Variants in KIF26B observed in about 807,000 individuals in gnomAD.
KIF26B encodes kinesin family member 26B, also known as kinesin-like protein KIF26B.
Under a neutral mutation model 151.2 loss-of-function variants are expected in KIF26B, and 63 were observed. That is an observed-to-expected ratio of 0.42 (90% CI 0.34 to 0.51). The LOEUF is 0.51. Ranked by LOEUF, KIF26B falls within the 20% of genes least tolerant of loss-of-function variation. KIF26B has a pLI of 0.07. For synonymous variants in KIF26B, 1,357 were observed against 1,262.1 expected (o/e 1.08, Z -1.59); for missense variants, 2,813 against 2,913.6 (o/e 0.97, Z 0.79).
intron 4 of KIF26B, among the ~76,000 whole-genome samples, chr1:245,487,300 A>G (rs895909097): frequency 6.6e-6 from 1 of 152,202 alleles, no homozygotes; most frequent in African/African-American, 2.4e-5. Flanking sequence ...CATCTCCAGG[A>G]CCAACTATAT....
At chr1:245,639,777 A>G (rs2043869443) in intron 9 of KIF26B, among the ~76,000 whole-genome samples, 1 of 151,628 alleles carries the variant, frequency 6.6e-6, no homozygotes, top group African/African-American at 2.4e-5. Flanking sequence ...ATAGTTTCCA[A>G]CATTTCTTGT....
intron 2 of KIF26B, among the ~76,000 whole-genome samples, chr1:245,235,406 A>G (rs1573725058): frequency 6.6e-6 from 1 of 152,006 alleles, no homozygotes; most frequent in Admixed American, 6.6e-5. Context: ...AGTCTCGGCA[A>G]CATAGCAAGA....
chr1:245,400,316 C>A (rs1305498401), intron 3 of KIF26B, among the ~76,000 whole-genome samples: 2 of 152,106 alleles, frequency 1.3e-5, no homozygotes. Flanking sequence ...ATCCTTTTCA[C>A]CTGATTTACT....
At chr1:245,301,291 C>A (rs1213489865) in intron 2 of KIF26B, among the ~76,000 whole-genome samples, 1 of 152,188 alleles carries the variant, frequency 6.6e-6, no homozygotes, top group Non-Finnish European at 1.5e-5. Flanking sequence ...AGTGATATAT[C>A]TTGGAACTGA....
chr1:245,218,948 G>A lies in KIF26B; in HGVS notation c.465+62265G>A, dbSNP rs923682276. On this transcript the variant is annotated intron_variant, in intron 2 of 14. Coordinates refer to ENST00000407071, the MANE Select transcript of KIF26B (RefSeq NM_018012.4). This position sits in a 1 kb window ranked among gnomAD's most constrained non-coding sequence, Gnocchi z 4.1. ...CATTTCTGACTTTGCCATTTCAGTT[G>A]GCACTGACCCTTCCAAGACTGTGTA... 5.9e-5 allele frequency among the ~76,000 whole-genome samples: 9 copies of A among 151,844 alleles called. No individual in the cohort carries two copies. The highest frequency in any genetic ancestry group is 1.9e-4 in the African/African-American group (8 of 41,312).
chr1:245,168,867 A>G (rs1330141633), intron 2 of KIF26B, among the ~76,000 whole-genome samples: 1 of 152,198 alleles, frequency 6.6e-6, no homozygotes, highest in Non-Finnish European at 1.5e-5. Flanking sequence ...AACGAGGCCC[A>G]TGCAGTTATC....
intron 2 of KIF26B, among the ~76,000 whole-genome samples, chr1:245,221,090 A>G (rs1421196607): frequency 6.6e-6 from 1 of 152,168 alleles, no homozygotes; most frequent in African/African-American, 2.4e-5. Flanking sequence ...CCAAAGTGAC[A>G]TTTGTATAAA....
At chr1:245,344,043 A>AT (rs986250080) in intron 2 of KIF26B, among the ~76,000 whole-genome samples, 3 of 151,128 alleles carry the variant, frequency 2.0e-5, no homozygotes, top group Non-Finnish European at 4.4e-5. Context: ...AACTACTGTG[A>AT]TTTTTTTTCC....
Position 245,305,957 on chromosome 1 carries a change from A to AT in KIF26B, c.466-60877_466-60876insT, listed in dbSNP as rs74163038. Among the ~76,000 whole-genome samples, 4 of 147,374 alleles carry AT rather than the reference A, an allele frequency of 2.7e-5. No individual in the cohort carries two copies. In the East Asian group the frequency reaches 7.9e-4, roughly 29 times the overall value. On this transcript the variant is annotated intron_variant, in intron 2 of 14. Coordinates refer to ENST00000407071, the MANE Select transcript of KIF26B (RefSeq NM_018012.4). Reference sequence around the variant, plus strand: ...TCCTCAAAAAAAAAAAAAAAAAAAAAGAAAAGAAAATGTGAAACGATATAG... The same window carrying AT: ...TCCTCAAAAAAAAAAAAAAAAAAAAATGAAAAGAAAATGTGAAACGATATAG...
intron 4 of KIF26B, among the ~76,000 whole-genome samples, chr1:245,519,960 T>C (rs545368865): frequency 1.1e-3 from 166 of 152,346 alleles, no homozygotes; most frequent in Non-Finnish European, 2.1e-3. Flanking sequence ...ATTGTTGAAT[T>C]GTTGTCATTA....
chr1:245,652,286 A>G (rs1214112376), intron 10 of KIF26B, among the ~76,000 whole-genome samples: 1 of 152,198 alleles, frequency 6.6e-6, no homozygotes, highest in East Asian at 1.9e-4. Flanking sequence ...CTATTTAGAA[A>G]TAAAATAACC....
chr1:245,191,516 AT>A (rs1246283031), intron 2 of KIF26B, among the ~76,000 whole-genome samples: 1 of 152,200 alleles, frequency 6.6e-6, no homozygotes, highest in African/African-American at 2.4e-5. Context: ...ATATAAAAAA[AT>A]CTAGAAGGAA....
intron 10 of KIF26B, among the ~76,000 whole-genome samples, chr1:245,652,647 C>T (rs150398103): frequency 1.9e-3 from 284 of 152,276 alleles, no homozygotes; most frequent in African/African-American, 1.2e-3. Flanking sequence ...GAAATGACAC[C>T]GTCTGGGGAT....
intron 4 of KIF26B, among the ~76,000 whole-genome samples, chr1:245,479,894 A>G (rs966060570): frequency 2.6e-5 from 4 of 151,794 alleles, no homozygotes; most frequent in Non-Finnish European, 4.4e-5. Context: ...CTGTTGCTCT[A>G]TATAGAACTA....
At chr1:245,577,902 G>C (rs747198399) in intron 5 of KIF26B, among the ~76,000 whole-genome samples, 2 of 145,864 alleles carry the variant, frequency 1.4e-5, no homozygotes, top group African/African-American at 2.6e-5. Flanking sequence ...AACTCCGGGC[G>C]ATGCTTCCCC....
chr1:245,473,427 T>C (rs951759665), intron 4 of KIF26B, among the ~76,000 whole-genome samples: 3 of 152,246 alleles, frequency 2.0e-5, no homozygotes, highest in African/African-American at 4.8e-5. Flanking sequence ...TTGAATGTGT[T>C]GGTGACATTC....
intron 5 of KIF26B, among the ~76,000 whole-genome samples, chr1:245,583,703 G>A (rs1176328440): frequency 6.6e-6 from 1 of 152,164 alleles, no homozygotes; most frequent in Non-Finnish European, 1.5e-5. Context: ...ATGGGCTTCA[G>A]GGCAGGCCTG....
chr1:245,277,331 C>A (rs1009955165), intron 2 of KIF26B, among the ~76,000 whole-genome samples: 6 of 152,186 alleles, frequency 3.9e-5, no homozygotes, highest in Non-Finnish European at 8.8e-5. Context: ...TGGTCAATAG[C>A]CTTATCTATG....
At chr1:245,234,910 C>T (rs1670075984) in intron 2 of KIF26B, among the ~76,000 whole-genome samples, 1 of 152,144 alleles carries the variant, frequency 6.6e-6, no homozygotes. Context: ...CGTTGGACAC[C>T]CGGTGGCACA....
Sources: gnomAD v4.1 joint callset for allele counts (sites outside exome capture counted in the v4.1 genomes callset) on GRCh38, gnomAD v4.1.1 for gene constraint, Gnocchi (gnomAD v3.1) non-coding constraint, MANE v1.5 for transcripts, NCBI Gene and HGNC (gene_info 2026-07-23, HGNC 2026-07-21) for gene names.